HS3ST5: variants seen among roughly 807,000 people sequenced by gnomAD.
HS3ST5 encodes heparan sulfate-glucosamine 3-sulfotransferase 5, also known as heparan sulfate glucosamine 3-O-sulfotransferase 5.
In HS3ST5, 10 loss-of-function variants were observed where a neutral mutation model predicts 25.4. That is an observed-to-expected ratio of 0.39 (90% CI 0.24 to 0.67). The LOEUF is 0.67. Ranked by LOEUF, HS3ST5 falls within the 30% of genes least tolerant of loss-of-function variation. HS3ST5 has a pLI of 0.44. For missense variants in HS3ST5, 324 were observed against 420.7 expected (o/e 0.77, Z 2.01); for synonymous variants, 170 against 162.4 (o/e 1.05, Z -0.36).
At chr6:114,197,517 C>T (rs559411974) in intron 2 of HS3ST5, among the ~76,000 whole-genome samples, 9 of 152,034 alleles carry the variant, frequency 5.9e-5, no homozygotes, top group African/African-American at 2.2e-4. Context: ...GGTAGATATG[C>T]AGGTTTGTTA....
At chr6:114,058,314 A>G in intron 4 of HS3ST5, 124 bp from the exon 5 acceptor site, 1 of 685,418 alleles carries the variant, frequency 1.5e-6, no homozygotes, top group Non-Finnish European at 2.4e-6. Context: ...GCTGCAATCC[A>G]TAATGAACAT....
chr6:114,223,700 C>CA (rs1562243686), intron 2 of HS3ST5, among the ~76,000 whole-genome samples: 2 of 151,424 alleles, frequency 1.3e-5, no homozygotes, highest in South Asian at 4.2e-4. Flanking sequence ...GCTTTCTTTT[C>CA]AAAAAGAGAA....
chr6:114,213,554 T>A (rs562072461), intron 2 of HS3ST5, among the ~76,000 whole-genome samples: 3 of 152,140 alleles, frequency 2.0e-5, no homozygotes, highest in South Asian at 2.1e-4. Context: ...GTCTTCTGGC[T>A]TTCAGATTAA....
chr6:114,069,030 G>T (rs1292093921), intron 3 of HS3ST5, among the ~76,000 whole-genome samples: 1 of 152,128 alleles, frequency 6.6e-6, no homozygotes, highest in Non-Finnish European at 1.5e-5. Flanking sequence ...ATGAAACAAA[G>T]AAATAAGGAG....
At chr6:114,174,868 C>T (rs1258633221) in intron 2 of HS3ST5, among the ~76,000 whole-genome samples, 1 of 152,096 alleles carries the variant, frequency 6.6e-6, no homozygotes. Flanking sequence ...TGGCTTGCAT[C>T]TGTAGTCCCA....
chr6:114,149,419 A>G (rs1485082814), intron 3 of HS3ST5, among the ~76,000 whole-genome samples: 1 of 152,228 alleles, frequency 6.6e-6, no homozygotes, highest in East Asian at 1.9e-4. Context: ...GGATGAGTTC[A>G]TGTCCTTTGC....
At chr6:114,340,592 C>A (rs1251369532) in intron 1 of HS3ST5, 1 of 152,132 alleles carries the variant, frequency 6.6e-6, no homozygotes, top group Non-Finnish European at 1.5e-5. Context: ...TTACTTTGAG[C>A]AATGACCAAA....
intron 1 of HS3ST5, among the ~76,000 whole-genome samples, chr6:114,270,084 C>T (rs558605363): frequency 1.3e-5 from 2 of 152,128 alleles, no homozygotes; most frequent in Admixed American, 6.6e-5. Context: ...GGCACCACGT[C>T]GTCTGGCACC....
chr6:114,231,218 C>T (rs1207778428), intron 1 of HS3ST5: 3 of 152,148 alleles, frequency 2.0e-5, no homozygotes, highest in Non-Finnish European at 4.4e-5. Flanking sequence ...TAAACACAGC[C>T]TTCTTCCAGT....
intron 2 of HS3ST5, among the ~76,000 whole-genome samples, chr6:114,196,493 G>C (rs961181089): frequency 6.6e-6 from 1 of 151,984 alleles, no homozygotes; most frequent in African/African-American, 2.4e-5. Flanking sequence ...TAATTTCTTT[G>C]TGTTTACTCT....
intron 3 of HS3ST5, among the ~76,000 whole-genome samples, chr6:114,107,154 CTT>C (rs1355999781): frequency 6.6e-6 from 1 of 152,078 alleles, no homozygotes; most frequent in Non-Finnish European, 1.5e-5. Flanking sequence ...TATATTCTAA[CTT>C]TTTGAGAAGA....
chr6:114,103,791 C>T (rs564450430), intron 3 of HS3ST5, among the ~76,000 whole-genome samples: 5 of 149,050 alleles, frequency 3.4e-5, no homozygotes, highest in South Asian at 4.3e-4. Flanking sequence ...CCCAGGTTCA[C>T]GCCATCCTCC....
At chr6:114,267,757 C>T (rs1239449638) in intron 1 of HS3ST5, among the ~76,000 whole-genome samples, 1 of 152,098 alleles carries the variant, frequency 6.6e-6, no homozygotes, top group East Asian at 1.9e-4. Flanking sequence ...ATCCAGAAGC[C>T]AGGTAGAACA....
chr6:114,198,713 T>C (rs1303573553), intron 2 of HS3ST5, among the ~76,000 whole-genome samples: 2 of 152,236 alleles, frequency 1.3e-5, no homozygotes, highest in African/African-American at 4.8e-5. Context: ...AAGCATTCTA[T>C]ACTGATTGTG....
At chr6:114,117,583 C>G (rs1776591808) in intron 3 of HS3ST5, among the ~76,000 whole-genome samples, 1 of 152,064 alleles carries the variant, frequency 6.6e-6, no homozygotes, top group South Asian at 2.1e-4. Flanking sequence ...AACCCTAAAC[C>G]CAAACTGTCA....
intron 1 of HS3ST5, among the ~76,000 whole-genome samples, chr6:114,271,815 T>G (rs538435692): frequency 4.6e-5 from 7 of 152,176 alleles, no homozygotes; most frequent in African/African-American, 1.7e-4. Context: ...AAGAATTCTC[T>G]CCTCTCCTTT....
intron 3 of HS3ST5, among the ~76,000 whole-genome samples, chr6:114,092,678 T>TTTA (rs1775187655): frequency 7.3e-6 from 1 of 136,144 alleles, no homozygotes; most frequent in Non-Finnish European, 1.6e-5. Context: ...TTATTTATTT[T>TTTA]GTTTTTTTTT....
chr6:114,215,263 G>C (rs113147815), intron 2 of HS3ST5, among the ~76,000 whole-genome samples: 1 of 152,048 alleles, frequency 6.6e-6, no homozygotes, highest in Non-Finnish European at 1.5e-5. Flanking sequence ...CCGAGGTCAC[G>C]CCACTGCACT....
Position 114,291,267 on chromosome 6 carries a change from T to A in HS3ST5, c.-339+50928A>T, listed in dbSNP as rs191261354. Among the ~76,000 whole-genome samples the A allele has an allele frequency of 3.9e-5, 6 of 152,302 alleles. No homozygotes were observed. In the East Asian group the frequency reaches 1.2e-3, roughly 29 times the overall value. Reference sequence around the variant, plus strand: ...AAAAACAGACACACAACTATGTGCATTTCATGCAAGGAAGCCATCCAATCT... The same window carrying A: ...AAAAACAGACACACAACTATGTGCAATTCATGCAAGGAAGCCATCCAATCT... On this transcript the variant is annotated intron_variant, in intron 1 of 4. Transcript: ENST00000312719.
Sources: allele counts gnomAD v4.1 joint callset (sites outside exome capture counted in the v4.1 genomes callset), GRCh38; gene constraint gnomAD v4.1.1; transcripts MANE v1.5; gene names NCBI Gene and HGNC (gene_info 2026-07-23, HGNC 2026-07-21).